Variants in RAB11A observed in about 807,000 individuals in gnomAD.
RAB11A encodes RAB11A, member RAS oncogene family, also known as ras-related protein Rab-11A.
A neutral mutation model predicts 28.0 loss-of-function variants in RAB11A; 9 were observed. The ratio of observed to expected loss-of-function variants is 0.32; its 90% CI spans 0.19 to 0.56. The LOEUF (loss-of-function observed/expected upper bound fraction) is 0.56. RAB11A is among the 20% of genes least tolerant of loss of function. RAB11A has a pLI of 0.91. For missense variants in RAB11A, 108 were observed against 269.6 expected (o/e 0.40, Z 4.20); for synonymous variants, 85 against 88.2 (o/e 0.96, Z 0.20).
chr15:65,887,947 C>A lies in RAB11A; in HGVS notation c.*107C>A. 1 of 1,200,290 alleles carries A rather than the reference C, an allele frequency of 8.3e-7. No individual in the cohort carries two copies. Among genetic ancestry groups the A allele is most frequent in the East Asian group, 2.8e-5 (1 of 35,560 alleles). 74.4% of individuals were successfully genotyped at this position (1,200,290 alleles called of 1,614,324 possible). A position where few individuals can be genotyped will look rare whatever the true frequency, so the allele number is the denominator to read the frequency against. On this transcript the variant is annotated 3_prime_UTR_variant, in exon 5 of 5. Coordinates refer to ENST00000261890, the MANE Select transcript of RAB11A (RefSeq NM_004663.5). ...CACTTTTGTGTTTTATTACTTCATACTTATGAATTTTTCCATGTCCTAAGT... is the reference window on the plus strand; with the variant it reads ...CACTTTTGTGTTTTATTACTTCATAATTATGAATTTTTCCATGTCCTAAGT...
intron 4 of RAB11A, among the ~76,000 whole-genome samples, chr15:65,884,110 GAC>G (rs1011379099): frequency 5.3e-5 from 8 of 150,568 alleles, no homozygotes; most frequent in Non-Finnish European, 1.0e-4. Flanking sequence ...ATTAAGGAAA[GAC>G]AACTAGGATT....
In RAB11A at chr15:65,887,786, T is replaced by C; in HGVS notation, c.597T>C (p.His199=). The change falls in exon 5 of 5, where the codon CAT becomes CAC. Residue 199 remains histidine, a synonymous_variant. Transcript: ENST00000261890. The part of the protein sequence containing the change: ...MSPSNNVVPI[H]VPPTTENKPK... ...CAAGCAACAATGTGGTTCCTATTCA[T>C]GTTCCACCAACCACTGAAAACAAGC... The C allele has an allele frequency of 6.2e-7, 1 of 1,613,850 alleles. No homozygotes were observed. Among genetic ancestry groups the C allele is most frequent in the African/African-American group, 1.3e-5 (1 of 75,026 alleles).
At position 65,887,858 on chromosome 15, in the gene RAB11A, CT is replaced by C. The variant is rs775447476; in HGVS notation, c.*19del. 4.4e-6 allele frequency: 7 copies of C among 1,595,698 alleles called. No homozygotes were observed. In the African/African-American group the frequency reaches 6.8e-5, roughly 15 times the overall value. On this transcript the variant is annotated 3_prime_UTR_variant, in exon 5 of 5. Coordinates refer to ENST00000261890, the MANE Select transcript of RAB11A (RefSeq NM_004663.5). ...ACATCTAAGGCATTTCTCTTCTCCC[CT>C]AGAAGGCTGTGTATAGTCCATTTCC... is the stretch of plus-strand genomic sequence containing the variant.
At position 65,890,777 on chromosome 15, in the gene RAB11A, A is replaced by G. The variant is rs186548892; in HGVS notation, c.*2937A>G. The G allele has an allele frequency of 6.6e-6, 1 of 152,228 alleles. No individual in the cohort carries two copies. The highest frequency in any genetic ancestry group is 1.5e-5 in the Non-Finnish European group (1 of 68,040). The allele number at this position is 152,228 out of a possible 1,614,324, so 9.4% of individuals were successfully genotyped here. On this transcript the variant is annotated 3_prime_UTR_variant, in exon 5 of 5. Transcript: ENST00000261890. ...TACTATTTAGACAGTTTTGGCCAAC[A>G]CTAGAAGCAAAAGAATTCAAAGGCT...
rs2078266319 is a variant in RAB11A, at chr15:65,888,238, T to A, written c.*398T>A. 1 of 157,434 alleles carries A rather than the reference T, an allele frequency of 6.4e-6. No homozygotes were observed. The highest frequency in any genetic ancestry group is 2.4e-5 in the African/African-American group (1 of 41,664). 9.8% of individuals were successfully genotyped at this position (157,434 alleles called of 1,614,324 possible). A position where few individuals can be genotyped will look rare whatever the true frequency, so the allele number is the denominator to read the frequency against. On this transcript the variant is annotated 3_prime_UTR_variant, in exon 5 of 5. Transcript: ENST00000261890. ...ATTTTGCCACAGAGCAGCTTATAGG[T>A]AATACACTCTTCTCTCAGTGCAGTG...
intron 1 of RAB11A, chr15:65,869,900 A>C (rs1247744682): frequency 3.1e-6 from 1 of 326,418 alleles, no homozygotes; most frequent in Non-Finnish European, 5.6e-6. Context: ...GCCTTCTCCC[A>C]CATCGTCGAA....
At position 65,891,451 on chromosome 15, in the gene RAB11A, G is replaced by C. The variant is rs2078295418; in HGVS notation, c.*3611G>C. The C allele has an allele frequency of 6.6e-6, 1 of 152,178 alleles. No homozygotes were observed. Among genetic ancestry groups the C allele is most frequent in the Admixed American group, 6.5e-5 (1 of 15,276 alleles). The allele number at this position is 152,178 out of a possible 1,614,324, so 9.4% of individuals were successfully genotyped here. On this transcript the variant is annotated 3_prime_UTR_variant, in exon 5 of 5. Transcript: ENST00000261890. The stretch of plus-strand genomic sequence containing the variant: ...TGGGTTAGAAGAGTGAAAGTAGCTG[G>C]TATGATAGAGCACTGGACTGAGTAA...
chr15:65,881,768 T>G (rs1380597835), intron 4 of RAB11A, among the ~76,000 whole-genome samples: 3 of 151,658 alleles, frequency 2.0e-5, no homozygotes, highest in African/African-American at 7.3e-5. Context: ...GGCGGATCGC[T>G]TGAGCTCAAA....
At chr15:65,876,821 C>G (rs2078194200) in intron 1 of RAB11A, among the ~76,000 whole-genome samples, 1 of 152,132 alleles carries the variant, frequency 6.6e-6, no homozygotes, top group Non-Finnish European at 1.5e-5. Context: ...AGGTCTCAGT[C>G]CTGAGGTCAC....
At chr15:65,876,712 G>C (rs1373531254) in intron 1 of RAB11A, among the ~76,000 whole-genome samples, 5 of 152,118 alleles carry the variant, frequency 3.3e-5, no homozygotes, top group Non-Finnish European at 7.3e-5. Context: ...GAACCAATCT[G>C]ATAAATGCAA....
At chr15:65,885,621 G>A (rs1182984440) in intron 4 of RAB11A, among the ~76,000 whole-genome samples, 3 of 152,064 alleles carry the variant, frequency 2.0e-5, no homozygotes, top group Non-Finnish European at 4.4e-5. Flanking sequence ...GACCTTTCAC[G>A]AGGTCCAAAC....
rs2078268697 is a variant in RAB11A at position 65,888,651 on chromosome 15, A to G, written c.*811A>G. 1 of 152,578 alleles carries G rather than the reference A, an allele frequency of 6.6e-6. No homozygotes were observed. The allele number at this position is 152,578 out of a possible 1,614,324, so 9.5% of individuals were successfully genotyped here. The stretch of plus-strand genomic sequence containing the variant: ...ATTTCCAAGCGGTAGATTATGTGGC[A>G]TTTTATTGCTCAGGCAATAATTGGT... On this transcript the variant is annotated 3_prime_UTR_variant, in exon 5 of 5. Coordinates refer to ENST00000261890, the MANE Select transcript of RAB11A (RefSeq NM_004663.5).
intron 4 of RAB11A, among the ~76,000 whole-genome samples, chr15:65,882,179 T>C (rs1351438708): frequency 3.3e-5 from 5 of 152,248 alleles, no homozygotes; most frequent in African/African-American, 1.2e-4. Context: ...CACTTTTCCT[T>C]TCTATATTCA....
chr15:65,879,839 A>G, intron 4 of RAB11A, 88 bp downstream of exon 4: 2 of 1,012,124 alleles, frequency 2.0e-6, no homozygotes, highest in Non-Finnish European at 3.0e-6. Flanking sequence ...TAAACTATAT[A>G]TCAGCCGAGA....
rs2078197628 is a variant in RAB11A, at chr15:65,877,592, G to T, written c.236+65G>T. The stretch of plus-strand genomic sequence containing the variant: ...CATCGAGTGAATTAGCTGACTTTTG[G>T]TATTGGAAAAAGAACTGTTGTTTTT... On this transcript the variant is annotated intron_variant, in intron 2 of 4. Transcript: ENST00000261890. The surrounding 1 kb of genome is among the most constrained non-coding windows in gnomAD (Gnocchi z 4.1). 6.7e-7 allele frequency: 1 copy of T among 1,490,690 alleles called. No individual in the cohort carries two copies. Among genetic ancestry groups the T allele is most frequent in the Non-Finnish European group, 9.1e-7 (1 of 1,101,178 alleles). The allele number at this position is 1,490,690 out of a possible 1,614,324, so 92.3% of individuals were successfully genotyped here. A position where few individuals can be genotyped will look rare whatever the true frequency, so the allele number is the denominator to read the frequency against.
rs978649830 is a variant in RAB11A, at chr15:65,891,957, A to G, written c.*4117A>G. ...GCTGGCTTTTAATATGTACTTTAAA[A>G]TATACTCATGTCTGGGAGAGAACTT... On this transcript the variant is annotated 3_prime_UTR_variant, in exon 5 of 5. Coordinates refer to ENST00000261890, the MANE Select transcript of RAB11A (RefSeq NM_004663.5). 2 of 152,234 alleles carry G rather than the reference A, an allele frequency of 1.3e-5. No homozygotes were observed. Among genetic ancestry groups the G allele is most frequent in the African/African-American group, 4.8e-5 (2 of 41,462 alleles). 9.4% of individuals were successfully genotyped at this position (152,234 alleles called of 1,614,324 possible).
intron 1 of RAB11A, chr15:65,869,974 C>T (rs1379005456): frequency 4.6e-6 from 1 of 216,632 alleles, no homozygotes; most frequent in Admixed American, 5.7e-5. Context: ...GGGTGTAGCG[C>T]CCCCTCCCCC....
chr15:65,882,459 TA>T (rs1217102752), intron 4 of RAB11A, among the ~76,000 whole-genome samples: 1 of 152,236 alleles, frequency 6.6e-6, no homozygotes, highest in African/African-American at 2.4e-5. Context: ...AAAATAGCTT[TA>T]AAATTTCTAA....
At chr15:65,874,555 T>C (rs1297326592) in intron 1 of RAB11A, among the ~76,000 whole-genome samples, 1 of 152,118 alleles carries the variant, frequency 6.6e-6, no homozygotes, top group East Asian at 1.9e-4. Flanking sequence ...TGAGATAACT[T>C]TTTAAAACAT....
Sources: gnomAD v4.1 joint callset for allele counts (sites outside exome capture counted in the v4.1 genomes callset) on GRCh38, gnomAD v4.1.1 for gene constraint, Gnocchi (gnomAD v3.1) non-coding constraint, MANE v1.5 for transcripts, NCBI Gene and HGNC (gene_info 2026-07-23, HGNC 2026-07-21) for gene names.